Variants in CAGE1 observed in about 807,000 individuals in gnomAD.
CAGE1 encodes cancer-associated gene 1 protein.
A neutral mutation model predicts 94.9 loss-of-function variants in CAGE1; 66 were observed. That is an observed-to-expected ratio of 0.70 (90% CI 0.57 to 0.85). The LOEUF (loss-of-function observed/expected upper bound fraction) is 0.85. Among genes scored for constraint, CAGE1 ranks in the 40% least tolerant of loss-of-function variants. CAGE1 has a pLI of 0.00. For synonymous variants in CAGE1, 319 were observed against 321.0 expected (o/e 0.99, Z 0.07); for missense variants, 865 against 950.4 (o/e 0.91, Z 1.18).
rs1761105640 is a variant in CAGE1 at position 7,385,872 on chromosome 6, T to C, written c.196A>G (p.Asn66Asp). ...TCCCTTTCAAAATTCTTTATTTCGT[T>C]CTGTATTAATAAAAAAGGCATCAAT... ...TTGTTCDLPQ[N>D]EIKNFERENE... Residue 66 changes from asparagine to aspartate, a missense_variant and splice_region_variant, in exon 3 of 14, where the codon AAC (asparagine) becomes GAC (aspartate). Coordinates refer to ENST00000502583, the MANE Select transcript of CAGE1 (RefSeq NM_001170692.2). 4 of 1,507,764 alleles carry C rather than the reference T, an allele frequency of 2.7e-6. No individual in the cohort carries two copies. The highest frequency in any genetic ancestry group is 3.6e-6 in the Non-Finnish European group (4 of 1,121,370). 93.4% of individuals were successfully genotyped at this position (1,507,764 alleles called of 1,614,324 possible).
chr6:7,353,696 TACACACACACACACACACACAC>T (rs59990182), intron 11 of CAGE1, among the ~76,000 whole-genome samples: 4 of 139,486 alleles, frequency 2.9e-5, no homozygotes, highest in Non-Finnish European at 6.2e-5. Context: ...TATATATATG[TACACACACACACACACACACAC>T]ACACACACAC....
At chr6:7,363,805 C>A (rs1040535650) in intron 9 of CAGE1, among the ~76,000 whole-genome samples, 2 of 152,152 alleles carry the variant, frequency 1.3e-5, no homozygotes, top group Admixed American at 1.3e-4. Flanking sequence ...ATTAAAAACT[C>A]CTTATTAATC....
At chr6:7,344,745 A>G (rs1759362487) in intron 11 of CAGE1, among the ~76,000 whole-genome samples, 1 of 152,128 alleles carries the variant, frequency 6.6e-6, no homozygotes, top group Non-Finnish European at 1.5e-5. Flanking sequence ...ACCAATCAGC[A>G]CTCTGTATCT....
chr6:7,384,816 G>A (rs1054006427), intron 3 of CAGE1, among the ~76,000 whole-genome samples: 2 of 151,932 alleles, frequency 1.3e-5, no homozygotes, highest in African/African-American at 4.8e-5. Flanking sequence ...CCGCGCTCAG[G>A]TAATTCTCCC....
chr6:7,360,763 G>A (rs1173717323), intron 9 of CAGE1, among the ~76,000 whole-genome samples: 1 of 152,084 alleles, frequency 6.6e-6, no homozygotes. Flanking sequence ...GTCTAACATG[G>A]TGAAACCCCG....
intron 11 of CAGE1, among the ~76,000 whole-genome samples, chr6:7,337,741 C>G (rs1214061408): frequency 6.6e-6 from 1 of 152,188 alleles, no homozygotes; most frequent in Non-Finnish European, 1.5e-5. Context: ...CAATGCTACA[C>G]TGTTTTGATT....
chr6:7,354,095 CA>C (rs200726146), intron 11 of CAGE1, among the ~76,000 whole-genome samples: 2 of 151,340 alleles, frequency 1.3e-5, no homozygotes, highest in East Asian at 3.9e-4. Flanking sequence ...GGAAAAAAAA[CA>C]AAAAATAAAA....
At chr6:7,387,404 T>G (rs571723468) in intron 1 of CAGE1, among the ~76,000 whole-genome samples, 2 of 152,340 alleles carry the variant, frequency 1.3e-5, no homozygotes, top group East Asian at 3.9e-4. Flanking sequence ...CAGTATTGGC[T>G]ACTATCCAAT....
chr6:7,358,831 C>CA (rs892779446), intron 9 of CAGE1, among the ~76,000 whole-genome samples: 10 of 151,568 alleles, frequency 6.6e-5, no homozygotes, highest in East Asian at 3.9e-4. Flanking sequence ...AAACAATAAC[C>CA]AAAAAAAACT....
intron 4 of CAGE1, among the ~76,000 whole-genome samples, chr6:7,376,454 C>T (rs1033359610): frequency 6.6e-6 from 1 of 151,598 alleles, no homozygotes; most frequent in African/African-American, 2.4e-5. Flanking sequence ...TTAGTTTGGC[C>T]TCCACTTGCT....
At chr6:7,357,738 T>G (rs1440662630) in intron 9 of CAGE1, among the ~76,000 whole-genome samples, 1 of 152,088 alleles carries the variant, frequency 6.6e-6, no homozygotes, top group African/African-American at 2.4e-5. Flanking sequence ...ACACGATTAA[T>G]AACACATATT....
At chr6:7,386,064 AAAC>A (rs1761110992) in intron 2 of CAGE1, among the ~76,000 whole-genome samples, 192 bp from the exon 3 acceptor site, 1 of 152,244 alleles carries the variant, frequency 6.6e-6, no homozygotes, top group Non-Finnish European at 1.5e-5. Context: ...TCCCAATATT[AAAC>A]AACAATGTAA....
chr6:7,347,375 G>C (rs980933364), intron 11 of CAGE1: 3 of 152,038 alleles, frequency 2.0e-5, no homozygotes, highest in African/African-American at 7.2e-5. Context: ...ACCTTACCTG[G>C]AGCTGAGTCA....
At chr6:7,368,851 A>C in intron 6 of CAGE1, 53 bp from the exon 7 acceptor site, 1 of 1,070,344 alleles carries the variant, frequency 9.3e-7, no homozygotes, top group Non-Finnish European at 1.4e-6. Flanking sequence ...TAAAGCTAAA[A>C]TGAGGCCAAA....
chr6:7,326,803 T>C lies in CAGE1; in HGVS notation c.*55A>G. 1 of 1,228,706 alleles carries C rather than the reference T, an allele frequency of 8.1e-7. No individual in the cohort carries two copies. The highest frequency in any genetic ancestry group is 1.2e-6 in the Non-Finnish European group (1 of 829,742). 76.1% of individuals were successfully genotyped at this position (1,228,706 alleles called of 1,614,324 possible). A position where few individuals can be genotyped will look rare whatever the true frequency, so the allele number is the denominator to read the frequency against. Reference sequence around the variant, plus strand: ...TTGATTTGGCTAGCATATGTAGTAATGACTCTTCCTGGAGTGGTTGACAAA... The same window carrying C: ...TTGATTTGGCTAGCATATGTAGTAACGACTCTTCCTGGAGTGGTTGACAAA... On this transcript the variant is annotated 3_prime_UTR_variant, in exon 14 of 14. Coordinates refer to ENST00000502583, the MANE Select transcript of CAGE1 (RefSeq NM_001170692.2).
Position 7,357,147 on chromosome 6 carries a change from T to A in CAGE1, c.2194-1018A>T, listed in dbSNP as rs115880752. Among the ~76,000 whole-genome samples, 423 of 151,166 alleles carry A rather than the reference T, an allele frequency of 2.8e-3. 4 individuals are homozygous for A. The highest frequency in any genetic ancestry group is 9.6e-3 in the African/African-American group (391 of 40,632). On this transcript the variant is annotated intron_variant, in intron 9 of 13. Transcript: ENST00000502583. ...TCTGTAGTGAAGAACCCTAGAGGAA[T>A]CAATAACAGAGCAAATTTGCAGCAG...
Position 7,326,799 on chromosome 6 carries a change from G to A in CAGE1, c.*59C>T. The A allele has an allele frequency of 8.5e-7, 1 of 1,182,456 alleles. No homozygotes were observed. Among genetic ancestry groups the A allele is most frequent in the Admixed American group, 1.7e-5 (1 of 58,902 alleles). The allele number at this position is 1,182,456 out of a possible 1,614,324, so 73.2% of individuals were successfully genotyped here. On this transcript the variant is annotated 3_prime_UTR_variant, in exon 14 of 14. Transcript: ENST00000502583. The stretch of plus-strand genomic sequence containing the variant: ...TGGATTGATTTGGCTAGCATATGTA[G>A]TAATGACTCTTCCTGGAGTGGTTGA...
chr6:7,345,120 T>C (rs1561851571), intron 11 of CAGE1, among the ~76,000 whole-genome samples: 2 of 150,914 alleles, frequency 1.3e-5, no homozygotes, highest in Non-Finnish European at 3.0e-5. Context: ...CTGTTTGCTC[T>C]TTAGATCCAT....
chr6:7,357,623 A>T (rs942674144), intron 9 of CAGE1, among the ~76,000 whole-genome samples: 1 of 152,128 alleles, frequency 6.6e-6, no homozygotes, highest in African/African-American at 2.4e-5. Context: ...AAGGTAAAGG[A>T]ATTGCTCTGC....
Sources: allele counts gnomAD v4.1 joint callset (sites outside exome capture counted in the v4.1 genomes callset), GRCh38; gene constraint gnomAD v4.1.1; transcripts MANE v1.5; gene names NCBI Gene and HGNC (gene_info 2026-07-23, HGNC 2026-07-21).